The following ADAMTS17 variants were observed in gnomAD, a reference collection of about 807,000 sequenced individuals.
ADAMTS17 encodes the protein ADAM metallopeptidase with thrombospondin type 1 motif 17, also known as A disintegrin and metalloproteinase with thrombospondin motifs 17.
Under a neutral mutation model 141.5 loss-of-function variants are expected in ADAMTS17, and 113 were observed. The observed-to-expected ratio is 0.80, with a 90% confidence interval of 0.69 to 0.93. The LOEUF (loss-of-function observed/expected upper bound fraction) is 0.93. ADAMTS17 is among the 40% of genes least tolerant of loss of function. The probability of loss-of-function intolerance (pLI) is 0.00; values close to 1 mark genes in which losing one functional copy is unlikely to be tolerated. For synonymous variants in ADAMTS17, 768 were observed against 630.6 expected (o/e 1.22, Z -3.27); for missense variants, 1,659 against 1,517.9 (o/e 1.09, Z -1.54).
At chr15:100,073,784 G>C (rs1195076376) in intron 15 of ADAMTS17, among the ~76,000 whole-genome samples, 3 of 104,364 alleles carry the variant, frequency 2.9e-5, no homozygotes, top group African/African-American at 7.3e-5. Flanking sequence ...GAGGGGGGGA[G>C]GGATAGCATT....
At chr15:100,173,218 C>T (rs922093180) in intron 8 of ADAMTS17, among the ~76,000 whole-genome samples, 1 of 151,934 alleles carries the variant, frequency 6.6e-6, no homozygotes, top group African/African-American at 2.4e-5. Context: ...TTCCTCTTTT[C>T]CCCCACTCCC....
intron 3 of ADAMTS17, among the ~76,000 whole-genome samples, chr15:100,301,613 G>C (rs888207833): frequency 2.6e-5 from 4 of 151,740 alleles, no homozygotes; most frequent in African/African-American, 9.7e-5. Context: ...TTACAGGCGT[G>C]AGTCACCACG....
intron 8 of ADAMTS17, among the ~76,000 whole-genome samples, chr15:100,164,292 A>C (rs2039858224): frequency 6.6e-6 from 1 of 152,208 alleles, no homozygotes. Flanking sequence ...CAGTCAGACC[A>C]ACCTAGAAGA....
chr15:99,984,639 TG>T (rs2060548864), intron 20 of ADAMTS17, among the ~76,000 whole-genome samples: 1 of 152,200 alleles, frequency 6.6e-6, no homozygotes, highest in Non-Finnish European at 1.5e-5. Context: ...ATCAGCCCTA[TG>T]AGGGCTACCC....
intron 4 of ADAMTS17, among the ~76,000 whole-genome samples, chr15:100,268,032 T>C (rs1243087353): frequency 2.0e-5 from 3 of 152,248 alleles, no homozygotes; most frequent in African/African-American, 4.8e-5. Flanking sequence ...CTCCCACTTA[T>C]GAGTGAGAAT....
intron 12 of ADAMTS17, among the ~76,000 whole-genome samples, chr15:100,131,236 G>A (rs1001482375): frequency 6.6e-6 from 1 of 151,882 alleles, no homozygotes; most frequent in Non-Finnish European, 1.5e-5. Flanking sequence ...AGGGGCAAGG[G>A]GAGGGACAGC....
rs1311804922 is a variant in ADAMTS17 at position 100,156,798 on chromosome 15, C to T, written c.1182-1478G>A. Among the ~76,000 whole-genome samples, 3 of 152,200 alleles carry T rather than the reference C, an allele frequency of 2.0e-5. No homozygotes were observed. In the East Asian group the frequency reaches 5.8e-4, roughly 29 times the overall value. The stretch of plus-strand genomic sequence containing the variant: ...CCAAGGCTGCTTCACAAGTCTTTTA[C>T]AATCCTTTTTATGTGTATACAAACA... On this transcript the variant is annotated intron_variant, in intron 8 of 21. Transcript: ENST00000268070.
At chr15:100,094,106 T>C (rs2035623985) in intron 15 of ADAMTS17, among the ~76,000 whole-genome samples, 1 of 144,096 alleles carries the variant, frequency 6.9e-6, no homozygotes, top group African/African-American at 2.6e-5. Flanking sequence ...AAAACTGCTG[T>C]GTACCTTAAA....
At chr15:100,270,003 C>T (rs1303155378) in intron 4 of ADAMTS17, among the ~76,000 whole-genome samples, 1 of 152,212 alleles carries the variant, frequency 6.6e-6, no homozygotes, top group Non-Finnish European at 1.5e-5. Context: ...CTCCTTTCTT[C>T]CTTGTTCAAA....
chr15:100,074,960 G>A (rs537116403), intron 15 of ADAMTS17, among the ~76,000 whole-genome samples: 5 of 152,174 alleles, frequency 3.3e-5, no homozygotes, highest in African/African-American at 9.6e-5. Context: ...TTCATTAAAT[G>A]AGAAAACAGT....
chr15:100,048,987 G>A lies in ADAMTS17; in HGVS notation c.2461C>T (p.Arg821Cys), dbSNP rs763899028. The A allele has an allele frequency of 1.4e-5, 23 of 1,614,040 alleles. No individual in the cohort carries two copies. The highest frequency in any genetic ancestry group is 8.0e-5 in the African/African-American group (6 of 74,928). The change falls in exon 18 of 22, where the codon CGC (arginine) becomes TGC (cysteine). Residue 821 changes from arginine (R) to cysteine (C), a missense_variant. Arg to Cys is a radical substitution (Grantham distance 180, BLOSUM62 -3). Coordinates refer to ENST00000268070, the MANE Select transcript of ADAMTS17 (RefSeq NM_139057.4). Reference sequence around the variant, plus strand: ...CGTGTACACGAGACGATGGTTCTGCGCTCCCCTGGAAACCAAACCACAGGG... The same window carrying A: ...CGTGTACACGAGACGATGGTTCTGCACTCCCCTGGAAACCAAACCACAGGG... ...GCSVQCGGGE[R>C]RTIVSCTRIV...
At chr15:100,068,794 C>G (rs1418736101) in intron 15 of ADAMTS17, among the ~76,000 whole-genome samples, 1 of 152,154 alleles carries the variant, frequency 6.6e-6, no homozygotes, top group Non-Finnish European at 1.5e-5. Context: ...AAACCACAAA[C>G]ATGGGGAAAA....
At chr15:100,172,710 A>G (rs1334846710) in intron 8 of ADAMTS17, among the ~76,000 whole-genome samples, 1 of 152,222 alleles carries the variant, frequency 6.6e-6, no homozygotes. Flanking sequence ...ACCCTAGCCA[A>G]TACGGGAACA....
chr15:100,082,152 G>A (rs146833942), intron 15 of ADAMTS17, among the ~76,000 whole-genome samples: 2,078 of 152,164 alleles, frequency 0.014, 47 homozygotes, highest in African/African-American at 0.046. Flanking sequence ...TGCAACCTTC[G>A]CCTCCTGGGT....
At chr15:100,081,843 T>C (rs1052002295) in intron 15 of ADAMTS17, among the ~76,000 whole-genome samples, 3 of 152,270 alleles carry the variant, frequency 2.0e-5, no homozygotes, top group Non-Finnish European at 4.4e-5. Context: ...TATACACTTA[T>C]TGACCATTTG....
intron 2 of ADAMTS17, among the ~76,000 whole-genome samples, chr15:100,337,948 A>G (rs1285616269): frequency 1.3e-5 from 2 of 152,356 alleles, no homozygotes; most frequent in Non-Finnish European, 2.9e-5. Context: ...CCGAACTTAC[A>G]TAAATTCACG....
At chr15:100,223,434 A>G (rs1412327440) in intron 7 of ADAMTS17, among the ~76,000 whole-genome samples, 5 of 152,160 alleles carry the variant, frequency 3.3e-5, no homozygotes, top group Non-Finnish European at 5.9e-5. Context: ...TGCATGAAGT[A>G]TATAACCATG....
intron 13 of ADAMTS17, among the ~76,000 whole-genome samples, chr15:100,109,480 G>A (rs1474806247): frequency 6.6e-6 from 1 of 151,770 alleles, no homozygotes; most frequent in Non-Finnish European, 1.5e-5. Flanking sequence ...TAGCGAGGGT[G>A]TGAAGGGAGG....
Position 100,330,922 on chromosome 15 carries a change from G to T in ADAMTS17, c.583C>A (p.Gln195Lys). 1 of 1,614,112 alleles carries T rather than the reference G, an allele frequency of 6.2e-7. No individual in the cohort carries two copies. Among genetic ancestry groups the T allele is most frequent in the Non-Finnish European group, 8.5e-7 (1 of 1,180,028 alleles). The stretch of plus-strand genomic sequence containing the variant: ...ACCTTGCAGAGCTGCTCAGGTCTCT[G>T]GGCCTCAGCAGAAGGGCTGGGGGTC... ...SLTPSPSAEA[Q>K]RPEQLCKVLT... The change falls in exon 3 of 22, where the codon CAG becomes AAG. Residue 195 changes from glutamine (Q) to lysine (K), a missense_variant. Transcript: ENST00000268070.
Sources: allele counts gnomAD v4.1 joint callset (sites outside exome capture counted in the v4.1 genomes callset), GRCh38; gene constraint gnomAD v4.1.1; transcripts MANE v1.5; gene names NCBI Gene and HGNC (gene_info 2026-07-23, HGNC 2026-07-21).